The following SNTB2 variants were observed in gnomAD, a reference collection of about 807,000 sequenced individuals.
The protein encoded by SNTB2 is syntrophin beta 2.
A neutral mutation model predicts 46.2 loss-of-function variants in SNTB2; 34 were observed. The ratio of observed to expected loss-of-function variants is 0.74; its 90% CI spans 0.56 to 0.98. The LOEUF is 0.98. Ranked by LOEUF, SNTB2 falls within the 50% of genes least tolerant of loss-of-function variation. The pLI, the probability that SNTB2 is intolerant of heterozygous loss-of-function variation, is 0.00. For synonymous variants in SNTB2, 290 were observed against 312.6 expected (o/e 0.93, Z 0.76); for missense variants, 603 against 731.4 (o/e 0.82, Z 2.02).
At chr16:69,252,306 T>G (rs1964734670) in intron 2 of SNTB2, among the ~76,000 whole-genome samples, 1 of 152,222 alleles carries the variant, frequency 6.6e-6, no homozygotes, top group Non-Finnish European at 1.5e-5. Flanking sequence ...AAGACCTCAC[T>G]GGATGCATCT....
chr16:69,242,104 ATTTCCGTTTACATGTC>A (rs1380106923), intron 1 of SNTB2, among the ~76,000 whole-genome samples: 1 of 151,966 alleles, frequency 6.6e-6, no homozygotes, highest in Admixed American at 6.6e-5. Flanking sequence ...AAGCCTCAAG[ATTTCCGTTTACATGTC>A]TTTCATGTTT....
At position 69,191,800 on chromosome 16, in the gene SNTB2, C is replaced by A. The variant is rs572873504; in HGVS notation, c.580+4054C>A. On this transcript the variant is annotated intron_variant, in intron 1 of 6. Coordinates refer to ENST00000336278, the MANE Select transcript of SNTB2 (RefSeq NM_006750.4). ...GGACTACAGGCGCCCGCCACCATGCCCGGCCAATTTTTTGTATTTTTTAGT... is the reference window on the plus strand; with the variant it reads ...GGACTACAGGCGCCCGCCACCATGCACGGCCAATTTTTTGTATTTTTTAGT... Among the ~76,000 whole-genome samples, 188 of 151,994 alleles carry A rather than the reference C, an allele frequency of 1.2e-3. 2 individuals are homozygous for A. The highest frequency in any genetic ancestry group is 6.8e-3 in the Middle Eastern group (2 of 294).
At chr16:69,252,229 C>G (rs936792286) in intron 2 of SNTB2, among the ~76,000 whole-genome samples, 5 of 152,182 alleles carry the variant, frequency 3.3e-5, no homozygotes, top group Non-Finnish European at 7.3e-5. Flanking sequence ...GTAAAAAGTG[C>G]TAATGATCAG....
chr16:69,274,578 A>G (rs975495745), intron 4 of SNTB2, among the ~76,000 whole-genome samples: 8 of 151,100 alleles, frequency 5.3e-5, no homozygotes, highest in Admixed American at 2.7e-4. Flanking sequence ...GCATGAACCC[A>G]GGAGGCAGAG....
intron 1 of SNTB2, among the ~76,000 whole-genome samples, chr16:69,192,204 AC>A (rs1567393007): frequency 6.6e-6 from 1 of 152,174 alleles, no homozygotes; most frequent in African/African-American, 2.4e-5. Flanking sequence ...AGAGGTGATC[AC>A]CTTTGGAGCC....
At chr16:69,209,561 C>T (rs756097547) in intron 1 of SNTB2, among the ~76,000 whole-genome samples, 3 of 152,158 alleles carry the variant, frequency 2.0e-5, no homozygotes, top group Non-Finnish European at 2.9e-5. Flanking sequence ...ACATCCCCTA[C>T]GTATTAGTCA....
chr16:69,284,046 A>G lies in SNTB2; in HGVS notation c.1149-2A>G, dbSNP rs376824991. 2.5e-6 allele frequency: 4 copies of G among 1,608,952 alleles called. No homozygotes were observed. The highest frequency in any genetic ancestry group is 3.4e-6 in the Non-Finnish European group (4 of 1,176,856). On this transcript the variant is annotated splice_acceptor_variant, in intron 4 of 6. Transcript: ENST00000336278. LOFTEE classifies it high-confidence loss of function. ...TGATCTCTGCTCTGTTTGTGGTCCT[A>G]GGTTGGTTCATTCTGGCTCCGGATG... is the stretch of plus-strand genomic sequence containing the variant.
At chr16:69,237,859 T>G (rs567126260) in intron 1 of SNTB2, among the ~76,000 whole-genome samples, 40 of 152,280 alleles carry the variant, frequency 2.6e-4, no homozygotes, top group African/African-American at 8.2e-4. Context: ...TGCCTCGGCC[T>G]CCCAAAGTGC....
chr16:69,292,408 T>A lies in SNTB2; in HGVS notation c.1346-7182T>A, dbSNP rs867388713. ...ATATATATTATATATATATATATAT[T>A]ATATATATATTATATATATATATAT... On this transcript the variant is annotated intron_variant, in intron 5 of 6. Transcript: ENST00000336278. Among the ~76,000 whole-genome samples, 11 of 9,228 alleles carry A rather than the reference T, an allele frequency of 1.2e-3. 1 individual carries two copies. In the African/African-American group the frequency reaches 0.018, roughly 15 times the overall value. 6.1% of individuals were successfully genotyped at this position (9,228 alleles called of 152,430 possible).
chr16:69,292,077 GGTGTGGTGGCAGGTGCCT>G (rs1965164612), intron 5 of SNTB2, among the ~76,000 whole-genome samples: 1 of 150,596 alleles, frequency 6.6e-6, no homozygotes, highest in African/African-American at 2.4e-5. Context: ...AAATTAGCCG[GGTGTGGTGGCAGGTGCCT>G]GTGTGGTGGC....
chr16:69,274,000 A>G (rs537776143), intron 4 of SNTB2, among the ~76,000 whole-genome samples: 6 of 152,318 alleles, frequency 3.9e-5, no homozygotes, highest in African/African-American at 1.4e-4. Flanking sequence ...ATTATGCCCA[A>G]GAAGAATTCT....
At chr16:69,220,364 T>C (rs1270927917) in intron 1 of SNTB2, among the ~76,000 whole-genome samples, 1 of 151,184 alleles carries the variant, frequency 6.6e-6, no homozygotes, top group Non-Finnish European at 1.5e-5. Flanking sequence ...GGTTTCATCA[T>C]GTTAGCCAGG....
chr16:69,210,712 G>T (rs1223906890), intron 1 of SNTB2, among the ~76,000 whole-genome samples: 2 of 152,078 alleles, frequency 1.3e-5, no homozygotes, highest in African/African-American at 4.8e-5. Flanking sequence ...TATTTTGTAG[G>T]CCGGGTACAG....
chr16:69,269,539 C>T (rs1964918827), intron 3 of SNTB2, among the ~76,000 whole-genome samples: 1 of 151,964 alleles, frequency 6.6e-6, no homozygotes. Context: ...TAGATGTTAA[C>T]AGATTACATT....
chr16:69,208,328 C>G (rs1451376584), intron 1 of SNTB2, among the ~76,000 whole-genome samples: 1 of 151,706 alleles, frequency 6.6e-6, no homozygotes, highest in Non-Finnish European at 1.5e-5. Context: ...ATCTCTGGAA[C>G]CCAGGAGGCG....
chr16:69,215,071 G>A (rs1352953728), intron 1 of SNTB2, among the ~76,000 whole-genome samples: 1 of 151,690 alleles, frequency 6.6e-6, no homozygotes. Flanking sequence ...CCGAACTCCT[G>A]ACCACAGATG....
chr16:69,295,365 T>G (rs28544928), intron 5 of SNTB2, among the ~76,000 whole-genome samples: 37,420 of 148,600 alleles, frequency 0.25, 4,962 homozygotes, highest in African/African-American at 0.31. Context: ...TTCTCCTGCC[T>G]CAGCCTCCCG....
chr16:69,195,797 A>G (rs1294136848), intron 1 of SNTB2, among the ~76,000 whole-genome samples: 1 of 152,168 alleles, frequency 6.6e-6, no homozygotes, highest in Admixed American at 6.5e-5. Flanking sequence ...CGGACCTATC[A>G]CTATTACCAA....
chr16:69,188,167 C>G (rs1007248746), intron 1 of SNTB2, among the ~76,000 whole-genome samples: 1 of 151,992 alleles, frequency 6.6e-6, no homozygotes, highest in Admixed American at 6.6e-5. Context: ...TCCATCTTCA[C>G]CGATGCCAGC....
Sources: gnomAD v4.1 joint callset for allele counts (sites outside exome capture counted in the v4.1 genomes callset) on GRCh38, gnomAD v4.1.1 for gene constraint, MANE v1.5 for transcripts, NCBI Gene and HGNC (gene_info 2026-07-23, HGNC 2026-07-21) for gene names.